Variants in ATXN2L observed in about 807,000 individuals in gnomAD.
The protein encoded by ATXN2L is ataxin 2 like.
ATXN2L carries 24 observed loss-of-function variants against 120.7 expected under a neutral mutation model. The ratio of observed to expected loss-of-function variants is 0.20; its 90% CI spans 0.14 to 0.28. ATXN2L has a LOEUF of 0.28. Ranked by LOEUF, ATXN2L falls within the 10% of genes least tolerant of loss-of-function variation. ATXN2L has a pLI of 1.00. For missense variants in ATXN2L, 1,312 were observed against 1,432.3 expected (o/e 0.92, Z 1.36); for synonymous variants, 653 against 568.1 (o/e 1.15, Z -2.13).
chr16:28,832,754 C>T, intron 12 of ATXN2L, 63 bp from the exon 13 acceptor site: 1 of 1,551,254 alleles, frequency 6.4e-7, no homozygotes. Flanking sequence ...TCTTTTGGCA[C>T]TGTGTAGCCA....
rs1325894927 is a variant in ATXN2L at position 28,832,142 on chromosome 16, GGCCCTTGTACTCACT to G, written c.1322-60_1322-46del. ...TAAACTTTCTTGCTGTTTTGAGTAA[GGCCCTTGTACTCACT>G]GCTGTTGACCAGCAGTAACCATCCT... On this transcript the variant is annotated intron_variant, in intron 10 of 21. Coordinates refer to ENST00000336783, the MANE Select transcript of ATXN2L (RefSeq NM_007245.4). The G allele has an allele frequency of 3.2e-6, 5 of 1,551,886 alleles. No homozygotes were observed. In the African/African-American group the frequency reaches 6.8e-5, roughly 21 times the overall value.
At chr16:28,831,369 C>T (rs2054349220) in intron 10 of ATXN2L, among the ~76,000 whole-genome samples, 1 of 152,076 alleles carries the variant, frequency 6.6e-6, no homozygotes, top group African/African-American at 2.4e-5. Context: ...GCACTGTTGC[C>T]TGGGCCAGAG....
chr16:28,825,392 C>T lies in ATXN2L; in HGVS notation c.326C>T (p.Pro109Leu), dbSNP rs1246797535. Residue 109 changes from proline to leucine, a missense_variant, in exon 2 of 22, where the codon CCA becomes CTA. Physicochemically the swap from Pro to Leu is moderately conservative, Grantham distance 98 (BLOSUM62 -3). Transcript: ENST00000336783. ...ARGQSTGKGP[P>L]QSPVFEGVYN... Reference sequence around the variant, plus strand: ...GGACAGAGCACAGGAAAGGGACCCCCACAGTCACCTGTGAGTGTCTTCTCC... The same window carrying T: ...GGACAGAGCACAGGAAAGGGACCCCTACAGTCACCTGTGAGTGTCTTCTCC... The T allele has an allele frequency of 6.2e-7, 1 of 1,613,860 alleles. No individual in the cohort carries two copies. Among genetic ancestry groups the T allele is most frequent in the Non-Finnish European group, 8.5e-7 (1 of 1,179,926 alleles).
intron 18 of ATXN2L, 121 bp from the exon 19 acceptor site, chr16:28,834,937 A>C: frequency 5.2e-6 from 7 of 1,354,580 alleles, no homozygotes; most frequent in Non-Finnish European, 7.0e-6. Flanking sequence ...GATCGTTATG[A>C]ATGTTGAATC....
chr16:28,835,206 C>T lies in ATXN2L; in HGVS notation c.2563+19C>T, dbSNP rs140695022. ...CTTTATGGTGAGTCCTGCGCCTGGTCCCTCTGCTCTGGGCTGTGTGCCAGC... is the reference window on the plus strand; with the variant it reads ...CTTTATGGTGAGTCCTGCGCCTGGTTCCTCTGCTCTGGGCTGTGTGCCAGC... On this transcript the variant is annotated intron_variant, in intron 19 of 21. Transcript: ENST00000336783. The T allele has an allele frequency of 1.3e-4, 202 of 1,608,584 alleles. No individual in the cohort carries two copies. In the Middle Eastern group the frequency reaches 2.5e-3, roughly 20 times the overall value.
intron 1 of ATXN2L, chr16:28,824,186 A>G: frequency 2.9e-6 from 3 of 1,036,174 alleles, no homozygotes; most frequent in East Asian, 1.1e-4. Flanking sequence ...TGACCCGGGC[A>G]TTCGCGCGCC....
chr16:28,831,910 T>C (rs1228179909), intron 10 of ATXN2L, among the ~76,000 whole-genome samples: 1 of 152,154 alleles, frequency 6.6e-6, no homozygotes, highest in Non-Finnish European at 1.5e-5. Flanking sequence ...ATAGAAGCCA[T>C]AGAAAATTTT....
Position 28,823,440 on chromosome 16 carries a change from C to T in ATXN2L, c.181C>T (p.Pro61Ser). The T allele has an allele frequency of 3.8e-6, 5 of 1,323,442 alleles. No homozygotes were observed. In the South Asian group the frequency reaches 8.3e-5, roughly 22 times the overall value. 82.0% of individuals were successfully genotyped at this position (1,323,442 alleles called of 1,614,324 possible). A position where few individuals can be genotyped will look rare whatever the true frequency, so the allele number is the denominator to read the frequency against. ...AGCGGCCGCCTCCCCCTGCCTGGGGCCTGTGGCCGCTGCCGGGAGCGGGCT... is the reference window on the plus strand; with the variant it reads ...AGCGGCCGCCTCCCCCTGCCTGGGGTCTGTGGCCGCTGCCGGGAGCGGGCT... The part of the protein sequence containing the change: ...PPAAASPCLG[P>S]VAAAGSGLRR... The change falls in exon 1 of 22, where the codon CCT (proline) becomes TCT (serine). Residue 61 changes from proline (P) to serine (S), a missense_variant. Pro to Ser is a moderately conservative substitution (Grantham distance 74). Coordinates refer to ENST00000336783, the MANE Select transcript of ATXN2L (RefSeq NM_007245.4).
Position 28,833,122 on chromosome 16 carries a change from G to C in ATXN2L, c.1723G>C (p.Glu575Gln), listed in dbSNP as rs938570236. ...TTTTCCTCCCCGGATCTTAAAGGAG[G>C]AGCCCAAAGGAAAGGAGAAAGAGGT... The part of the protein sequence containing the change: ...DPFPPRILKE[E>Q]PKGKEKEVDG... The change falls in exon 14 of 22, where the codon GAG becomes CAG. Residue 575 changes from glutamate (E) to glutamine (Q), a missense_variant. Glu to Gln is a conservative substitution (Grantham distance 29, BLOSUM62 2). Transcript: ENST00000336783. 1 of 1,614,210 alleles carries C rather than the reference G, an allele frequency of 6.2e-7. No homozygotes were observed. The highest frequency in any genetic ancestry group is 8.5e-7 in the Non-Finnish European group (1 of 1,180,028).
At chr16:28,827,144 CT>C (rs1389850681) in intron 6 of ATXN2L, among the ~76,000 whole-genome samples, 158 bp downstream of exon 6, 1 of 152,194 alleles carries the variant, frequency 6.6e-6, no homozygotes, top group Non-Finnish European at 1.5e-5. Flanking sequence ...GTAAAAATAT[CT>C]ATTCTTAGCT....
chr16:28,835,260 C>A lies in ATXN2L; in HGVS notation c.2564-18C>A. On this transcript the variant is annotated intron_variant, in intron 19 of 21. Coordinates refer to ENST00000336783, the MANE Select transcript of ATXN2L (RefSeq NM_007245.4). ...CTCTGGTGTGCTCAGCACTGGTTCTCCCTCTTTCCTGCTGCAGCCACTGTT... is the reference window on the plus strand; with the variant it reads ...CTCTGGTGTGCTCAGCACTGGTTCTACCTCTTTCCTGCTGCAGCCACTGTT... The A allele has an allele frequency of 6.2e-7, 1 of 1,613,864 alleles. No homozygotes were observed. The highest frequency in any genetic ancestry group is 8.5e-7 in the Non-Finnish European group (1 of 1,179,888).
chr16:28,823,197 GC>G lies in ATXN2L; in HGVS notation c.-59del. On this transcript the variant is annotated 5_prime_UTR_variant, in exon 1 of 22. Coordinates refer to ENST00000336783, the MANE Select transcript of ATXN2L (RefSeq NM_007245.4). ...CTCGCTTCCCGCGCTCTCCAGCGGGGCCCCAGCCCCGGCCCCCTCTCTCCCT... is the reference window on the plus strand; with the variant it reads ...CTCGCTTCCCGCGCTCTCCAGCGGGGCCCAGCCCCGGCCCCCTCTCTCCCT... 2 of 1,180,910 alleles carry G rather than the reference GC, an allele frequency of 1.7e-6. No individual in the cohort carries two copies. Among genetic ancestry groups the G allele is most frequent in the South Asian group, 2.5e-5 (1 of 39,252 alleles). 73.2% of individuals were successfully genotyped at this position (1,180,910 alleles called of 1,614,324 possible).
chr16:28,829,781 T>A, intron 7 of ATXN2L, 77 bp from the exon 8 acceptor site: 1 of 1,475,080 alleles, frequency 6.8e-7, no homozygotes, highest in East Asian at 2.3e-5. Flanking sequence ...GTGATTGGAC[T>A]TGTTGAAATG....
Position 28,832,577 on chromosome 16 carries a change from G to GT in ATXN2L, c.1588+18dup, listed in dbSNP as rs780058953. The GT allele has an allele frequency of 1.4e-5, 22 of 1,613,166 alleles. No individual in the cohort carries two copies. Among genetic ancestry groups the GT allele is most frequent in the Admixed American group, 6.7e-5 (4 of 59,984 alleles). On this transcript the variant is annotated intron_variant, in intron 12 of 21. Coordinates refer to ENST00000336783, the MANE Select transcript of ATXN2L (RefSeq NM_007245.4). ...CGGATAGCTGGGAAAGGTGAGGGTG[G>GT]TTTTTTTTCTGCTGAGGATTAATGC...
At chr16:28,826,112 ATG>A (rs2051855381) in intron 4 of ATXN2L, 126 bp from the exon 5 acceptor site, 2 of 1,118,494 alleles carry the variant, frequency 1.8e-6, no homozygotes, top group Non-Finnish European at 2.6e-6. Context: ...CATGTTGAGG[ATG>A]TAGTGTTGTG....
chr16:28,824,117 C>T (rs1596840698), intron 1 of ATXN2L: 1 of 1,018,840 alleles, frequency 9.8e-7, no homozygotes, highest in Non-Finnish European at 1.2e-6. Flanking sequence ...GGACTGCGGG[C>T]CGGGAGCCTC....
intron 5 of ATXN2L, 120 bp from the exon 6 acceptor site, chr16:28,826,742 C>T (rs1016010900): frequency 4.8e-6 from 6 of 1,258,526 alleles, no homozygotes; most frequent in African/African-American, 3.0e-5. Flanking sequence ...CACGGGCACA[C>T]GTACTCTGGA....
chr16:28,826,430 C>T (rs777082957), intron 5 of ATXN2L, 40 bp downstream of exon 5: 1 of 1,598,416 alleles, frequency 6.3e-7, no homozygotes, highest in Admixed American at 1.7e-5. Flanking sequence ...GCTCTGTGTG[C>T]ATAGAGGACA....
chr16:28,824,198 C>A (rs376620892), intron 1 of ATXN2L: 2 of 1,031,152 alleles, frequency 1.9e-6, no homozygotes, highest in Non-Finnish European at 2.3e-6. Context: ...TCGCGCGCCC[C>A]GGGAACACCT....
Sources: allele counts gnomAD v4.1 joint callset (sites outside exome capture counted in the v4.1 genomes callset), GRCh38; gene constraint gnomAD v4.1.1; transcripts MANE v1.5; gene names NCBI Gene and HGNC (gene_info 2026-07-23, HGNC 2026-07-21).